Variants in SV2C observed in about 807,000 individuals in gnomAD.
The protein encoded by SV2C is solute carrier family 22 member B3.
A neutral mutation model predicts 79.7 loss-of-function variants in SV2C; 49 were observed. That is an observed-to-expected ratio of 0.61 (90% CI 0.49 to 0.78). The LOEUF is 0.78. SV2C is among the 30% of genes least tolerant of loss of function. SV2C has a pLI of 0.00. For missense variants in SV2C, 833 were observed against 912.9 expected (o/e 0.91, Z 1.13); for synonymous variants, 334 against 333.2 (o/e 1.00, Z -0.03).
the SV2C span, among the ~76,000 whole-genome samples, chr5:75,885,993 CCAGGATGGCCTTT>C: frequency 6.6e-6 from 1 of 152,126 alleles, no homozygotes; most frequent in Non-Finnish European, 1.5e-5. Flanking sequence ...AGCTCTGAAG[CCAGGATGGCCTTT>C]CAGAGCTGCC....
chr5:76,271,588 A>G (rs1464828662), intron 4 of SV2C, among the ~76,000 whole-genome samples: 1 of 138,624 alleles, frequency 7.2e-6, no homozygotes. Flanking sequence ...GCTCCAGTGT[A>G]TTTCAAAAAA....
At chr5:75,947,324 T>C in the SV2C span, among the ~76,000 whole-genome samples, 2 of 151,936 alleles carry the variant, frequency 1.3e-5, no homozygotes, top group African/African-American at 4.8e-5. Flanking sequence ...CAATGATCAC[T>C]CCCTCCATAT....
At chr5:76,017,616 C>T in the SV2C span, among the ~76,000 whole-genome samples, 1 of 152,142 alleles carries the variant, frequency 6.6e-6, no homozygotes. Context: ...AGCATTTCCT[C>T]ATTAATCTCC....
At chr5:76,270,074 A>G (rs1369333986) in intron 4 of SV2C, among the ~76,000 whole-genome samples, 3 of 152,230 alleles carry the variant, frequency 2.0e-5, no homozygotes, top group Admixed American at 2.0e-4. Flanking sequence ...TGGGGAATGA[A>G]GAAAAATAGC....
intron 4 of SV2C, among the ~76,000 whole-genome samples, chr5:76,231,608 C>A (rs1393165847): frequency 7.1e-6 from 1 of 141,140 alleles, no homozygotes. Context: ...CCACCACAGT[C>A]CCCAGAGTGT....
At chr5:76,025,546 TATC>T in the SV2C span, among the ~76,000 whole-genome samples, 2 of 152,204 alleles carry the variant, frequency 1.3e-5, no homozygotes, top group African/African-American at 2.4e-5. Flanking sequence ...TTTCCTGAAA[TATC>T]ATCACATGTG....
chr5:76,134,122 T>A (rs1748991062), intron 2 of SV2C, among the ~76,000 whole-genome samples: 1 of 152,122 alleles, frequency 6.6e-6, no homozygotes, highest in African/African-American at 2.4e-5. Context: ...CTGGTGATGT[T>A]ACCCACCCCC....
intron 2 of SV2C, among the ~76,000 whole-genome samples, chr5:76,167,539 T>C (rs1201780064): frequency 2.0e-5 from 3 of 152,244 alleles, no homozygotes; most frequent in Admixed American, 6.5e-5. Context: ...CAAATACTTA[T>C]ATAGGTTTTA....
intron 4 of SV2C, among the ~76,000 whole-genome samples, chr5:76,243,012 TAAAAAAAAA>T (rs559052290): frequency 0.023 from 1,143 of 49,968 alleles, 32 homozygotes; most frequent in African/African-American, 0.08. Flanking sequence ...AGACCCCATC[TAAAAAAAAA>T]AAAAAAAAAA....
chr5:76,198,068 C>T (rs1462786162), intron 3 of SV2C, among the ~76,000 whole-genome samples: 2 of 152,164 alleles, frequency 1.3e-5, no homozygotes, highest in East Asian at 3.9e-4. Flanking sequence ...GGTTCACAAC[C>T]GATTGGATGG....
At chr5:76,345,392 CCT>C (rs1201291607) in intron 12 of SV2C, among the ~76,000 whole-genome samples, 1 of 152,194 alleles carries the variant, frequency 6.6e-6, no homozygotes, top group Non-Finnish European at 1.5e-5. Context: ...CCCAGCTTCT[CCT>C]CTACCAGCTT....
rs537283813 is a variant in SV2C at position 76,186,159 on chromosome 5, C to T, written c.581-8760C>T. Among the ~76,000 whole-genome samples the T allele has an allele frequency of 2.0e-5, 3 of 152,144 alleles. No homozygotes were observed. In the East Asian group the frequency reaches 5.8e-4, roughly 29 times the overall value. On this transcript the variant is annotated intron_variant, in intron 2 of 12. Transcript: ENST00000502798. ...CTGGACTTCGTTGTCCATATCACTA[C>T]CAGCATTTTGGTCAAAGCCATTCAA...
At chr5:76,024,837 C>T in the SV2C span, among the ~76,000 whole-genome samples, 1 of 152,102 alleles carries the variant, frequency 6.6e-6, no homozygotes, top group Non-Finnish European at 1.5e-5. Context: ...GTATTTTCTA[C>T]CTGTGTTTGG....
the SV2C span, among the ~76,000 whole-genome samples, chr5:75,881,480 TG>T: frequency 6.6e-6 from 1 of 152,158 alleles, no homozygotes; most frequent in African/African-American, 2.4e-5. Flanking sequence ...TCTTGAGCAG[TG>T]GTTTGTAGTT....
At chr5:76,010,338 G>A in the SV2C span, among the ~76,000 whole-genome samples, 1 of 152,084 alleles carries the variant, frequency 6.6e-6, no homozygotes, top group African/African-American at 2.4e-5. Flanking sequence ...ATTATCCAGG[G>A]AAAAGACGGT....
At chr5:76,225,207 A>T (rs1208231853) in intron 4 of SV2C, among the ~76,000 whole-genome samples, 1 of 152,210 alleles carries the variant, frequency 6.6e-6, no homozygotes, top group Non-Finnish European at 1.5e-5. Context: ...CAGTGAAGTA[A>T]TTCCTAGGGA....
At chr5:76,312,131 C>A (rs1288031309) in intron 12 of SV2C, among the ~76,000 whole-genome samples, 1 of 152,104 alleles carries the variant, frequency 6.6e-6, no homozygotes, top group Non-Finnish European at 1.5e-5. Flanking sequence ...CCAGCTCATT[C>A]CAGTTCTAGG....
chr5:75,942,396 G>T, the SV2C span, among the ~76,000 whole-genome samples: 1 of 152,148 alleles, frequency 6.6e-6, no homozygotes. Context: ...CCAGACTTTT[G>T]ACTGGTGGGA....
intron 4 of SV2C, among the ~76,000 whole-genome samples, chr5:76,253,277 G>A (rs914308436): frequency 2.0e-5 from 3 of 152,042 alleles, no homozygotes; most frequent in African/African-American, 7.2e-5. Flanking sequence ...GTTGATTTTT[G>A]TTTTTTTATG....
Sources: gnomAD v4.1 joint callset for allele counts (sites outside exome capture counted in the v4.1 genomes callset) on GRCh38, gnomAD v4.1.1 for gene constraint, MANE v1.5 for transcripts, NCBI Gene and HGNC (gene_info 2026-07-23, HGNC 2026-07-21) for gene names.